The following STMN3 variants were observed in gnomAD, a reference collection of about 807,000 sequenced individuals.
STMN3 encodes stathmin 3.
STMN3 carries 24 observed loss-of-function variants against 23.2 expected under a neutral mutation model. The ratio of observed to expected loss-of-function variants is 1.03; its 90% confidence interval spans 0.75 to 1.45. The LOEUF is 1.45. Ranked by LOEUF, STMN3 falls within the 40% of genes most tolerant of loss-of-function variation. The pLI is 0.00. For synonymous variants in STMN3, 117 were observed against 103.4 expected, an observed-to-expected ratio of 1.13 and a Z score of -0.80; for missense variants, 235 against 237.6, an observed-to-expected ratio of 0.99 and a Z score of 0.07.
intron 1 of STMN3, among the ~76,000 whole-genome samples, chr20:63,649,777 G>A (rs1203905253): frequency 2.0e-5 from 3 of 150,794 alleles, no homozygotes; most frequent in African/African-American, 7.3e-5. Flanking sequence ...TGATCCGCCC[G>A]TCTCAGCCTC....
At position 63,644,250 on chromosome 20, in the gene STMN3, T is replaced by C. The variant is rs777965666; in HGVS notation, c.79A>G (p.Thr27Ala). ...TAGACGGTATTGGGGTGCGGCTGTG[T>C]GTAGAAGCAGGAGCAGATGAGCGAC... is the stretch of plus-strand genomic sequence containing the variant. The part of the protein sequence containing the change: ...VLSLICSCFY[T>A]QPHPNTVYQY... Residue 27 changes from threonine to alanine, a missense_variant, in exon 2 of 5, where the codon ACA (threonine) becomes GCA (alanine). Thr to Ala is a moderately conservative substitution (Grantham distance 58). Transcript: ENST00000370053. 6.2e-7 allele frequency: 1 copy of C among 1,613,746 alleles called. No individual in the cohort carries two copies. The highest frequency in any genetic ancestry group is 2.2e-5 in the East Asian group (1 of 44,886).
chr20:63,641,827 T>G (rs1304369857), intron 4 of STMN3, among the ~76,000 whole-genome samples: 1 of 23,762 alleles, frequency 4.2e-5, no homozygotes, highest in African/African-American at 1.9e-4. Context: ...TCTGCGCCCC[T>G]CCGAGCTCCG....
chr20:63,651,816 T>C (rs1422507440), intron 1 of STMN3, among the ~76,000 whole-genome samples: 3 of 152,066 alleles, frequency 2.0e-5, no homozygotes, highest in African/African-American at 7.2e-5. Flanking sequence ...AGAAGGAGAA[T>C]GTGAGCAGAG....
At position 63,652,716 on chromosome 20, in the gene STMN3, AGCAGGTGGCGCGGGCGTC is replaced by A; in HGVS notation, c.19+593_19+610del. The stretch of plus-strand genomic sequence containing the variant: ...AAAGGGCAGTGGCTTTTCTGGCCAG[AGCAGGTGGCGCGGGCGTC>A]GCAAAGGGTGGTCCCCGAGGCCGCA... On this transcript the variant is annotated intron_variant, in intron 1 of 4. Coordinates refer to ENST00000370053, the MANE Select transcript of STMN3 (RefSeq NM_015894.4). This position sits in a 1 kb window ranked among gnomAD's most constrained non-coding sequence, Gnocchi z 5.3. 4 of 985,956 alleles carry A rather than the reference AGCAGGTGGCGCGGGCGTC, an allele frequency of 4.1e-6. No homozygotes were observed. The South Asian group carries it at 1.4e-4, about 35-fold the overall frequency. 61.1% of individuals were successfully genotyped at this position (985,956 alleles called of 1,614,324 possible).
Position 63,653,389 on chromosome 20 carries a change from G to A in STMN3, c.-44C>T. ...GCCTGCGGAGGCTGGAGAGGCGCAA[G>A]TGGCGGCCGGAGCTGCAGACGGCTG... On this transcript the variant is annotated 5_prime_UTR_variant, in exon 1 of 5. Coordinates refer to ENST00000370053, the MANE Select transcript of STMN3 (RefSeq NM_015894.4). 2.6e-6 allele frequency: 4 copies of A among 1,534,206 alleles called. No homozygotes were observed. Among genetic ancestry groups the A allele is most frequent in the Non-Finnish European group, 3.5e-6 (4 of 1,140,664 alleles).
At chr20:63,643,037 C>T (rs932739765) in intron 3 of STMN3, among the ~76,000 whole-genome samples, 1 of 152,080 alleles carries the variant, frequency 6.6e-6, no homozygotes, top group African/African-American at 2.4e-5. Flanking sequence ...GAGCCCACAC[C>T]CACCTCTCCC....
chr20:63,646,505 C>T, intron 1 of STMN3, among the ~76,000 whole-genome samples: 1 of 151,946 alleles, frequency 6.6e-6, no homozygotes, highest in Non-Finnish European at 1.5e-5. Flanking sequence ...CAGGCACCGC[C>T]ACCACACCCA....
intron 1 of STMN3, among the ~76,000 whole-genome samples, chr20:63,644,620 C>T (rs2089795159): frequency 6.6e-6 from 1 of 152,218 alleles, no homozygotes; most frequent in Non-Finnish European, 1.5e-5. Flanking sequence ...CATCCTTCTC[C>T]TGCCTGCTGT....
intron 3 of STMN3, among the ~76,000 whole-genome samples, chr20:63,642,548 G>A (rs891123561): frequency 1.9e-4 from 29 of 152,136 alleles, no homozygotes; most frequent in African/African-American, 6.7e-4. Context: ...CCTCGCGCGC[G>A]GGTCCCGCGG....
intron 1 of STMN3, among the ~76,000 whole-genome samples, chr20:63,647,916 A>C (rs931876234): frequency 8.6e-6 from 1 of 116,402 alleles, no homozygotes; most frequent in African/African-American, 3.1e-5. Flanking sequence ...GTGTGTATAT[A>C]TTAATATATA....
Position 63,643,936 on chromosome 20 carries a change from A to C in STMN3, c.116-5T>G. The C allele has an allele frequency of 6.3e-7, 1 of 1,594,824 alleles. No homozygotes were observed. The highest frequency in any genetic ancestry group is 8.5e-7 in the Non-Finnish European group (1 of 1,175,212). ...CCAGCTGCTTCACCTCCATGTCTGCAGGGCAAGACCAGAGTAGAGCTTCAG... is the reference window on the plus strand; with the variant it reads ...CCAGCTGCTTCACCTCCATGTCTGCCGGGCAAGACCAGAGTAGAGCTTCAG... On this transcript the variant is annotated splice_region_variant and splice_polypyrimidine_tract_variant and intron_variant, in intron 2 of 4. Transcript: ENST00000370053.
rs757698388 is a variant in STMN3, at chr20:63,641,519, G to C, written c.484-122C>G. ...CCGGCCTCATCCGGGCTGGCCTTCG[G>C]CAGGACCCTGACTGAGTTGAGGGGG... On this transcript the variant is annotated intron_variant, in intron 4 of 4. Coordinates refer to ENST00000370053, the MANE Select transcript of STMN3 (RefSeq NM_015894.4). 875 of 737,412 alleles carry C rather than the reference G, an allele frequency of 1.2e-3. 1 individual carries two copies. Among genetic ancestry groups the C allele is most frequent in the Non-Finnish European group, 1.8e-3 (808 of 448,208 alleles). 45.7% of individuals were successfully genotyped at this position (737,412 alleles called of 1,614,324 possible).
rs956788708 is a variant in STMN3, at chr20:63,641,472, G to A, written c.484-75C>T. The A allele has an allele frequency of 2.9e-5, 38 of 1,307,950 alleles. No homozygotes were observed. In the African/African-American group the frequency reaches 4.0e-4, roughly 14 times the overall value. The allele number at this position is 1,307,950 out of a possible 1,614,324, so 81.0% of individuals were successfully genotyped here. A position where few individuals can be genotyped will look rare whatever the true frequency, so the allele number is the denominator to read the frequency against. ...ACTCCGGGAACCCCCAGGCGCGCAG[G>A]CCGTGGCGCCCTGGCACCCGCCCGG... On this transcript the variant is annotated intron_variant, in intron 4 of 4. Coordinates refer to ENST00000370053, the MANE Select transcript of STMN3 (RefSeq NM_015894.4).
intron 1 of STMN3, among the ~76,000 whole-genome samples, chr20:63,651,616 C>T (rs539518354): frequency 6.6e-6 from 1 of 152,368 alleles, no homozygotes; most frequent in East Asian, 1.9e-4. Flanking sequence ...GGCTGCTTGA[C>T]GTGCGGTGAG....
At position 63,652,660 on chromosome 20, in the gene STMN3, T is replaced by G; in HGVS notation, c.19+667A>C. 2.0e-6 allele frequency: 2 copies of G among 985,488 alleles called. No individual in the cohort carries two copies. Among genetic ancestry groups the G allele is most frequent in the Non-Finnish European group, 2.4e-6 (2 of 830,014 alleles). The allele number at this position is 985,488 out of a possible 1,614,324, so 61.0% of individuals were successfully genotyped here. A position where few individuals can be genotyped will look rare whatever the true frequency, so the allele number is the denominator to read the frequency against. Reference sequence around the variant, plus strand: ...TCTCCGGAGGGTTTGGGGATCGCAGTCGCCCCTCCCCCATCCAGACCCCGC... The same window carrying G: ...TCTCCGGAGGGTTTGGGGATCGCAGGCGCCCCTCCCCCATCCAGACCCCGC... On this transcript the variant is annotated intron_variant, in intron 1 of 4. Coordinates refer to ENST00000370053, the MANE Select transcript of STMN3 (RefSeq NM_015894.4). This position sits in a 1 kb window ranked among gnomAD's most constrained non-coding sequence, Gnocchi z 5.3.
intron 1 of STMN3, among the ~76,000 whole-genome samples, chr20:63,647,956 A>G (rs748107478): frequency 0.014 from 734 of 50,862 alleles, 60 homozygotes; most frequent in Middle Eastern, 0.035. Context: ...GTGTATATAT[A>G]TATGTATATA....
chr20:63,644,458 C>G (rs896822813), intron 1 of STMN3, 149 bp from the exon 2 acceptor site: 1 of 632,148 alleles, frequency 1.6e-6, no homozygotes. Context: ...ACCGCCGGCC[C>G]CTTCGTCTCT....
Position 63,652,538 on chromosome 20 carries a change from C to A in STMN3, c.19+789G>T. On this transcript the variant is annotated intron_variant, in intron 1 of 4. Transcript: ENST00000370053. The surrounding 1 kb of genome is among the most constrained non-coding windows in gnomAD (Gnocchi z 5.3). ...CGCCCGCCCCTCCGCCTGAGCTCCG[C>A]GCGGGACGGGCCGGGAGGCCGGGGT... 2 of 981,166 alleles carry A rather than the reference C, an allele frequency of 2.0e-6. No individual in the cohort carries two copies. The highest frequency in any genetic ancestry group is 1.2e-4 in the Admixed American group (2 of 16,284). The allele number at this position is 981,166 out of a possible 1,614,324, so 60.8% of individuals were successfully genotyped here.
In STMN3 at chr20:63,652,975, C is replaced by T. The variant is rs893057968; in HGVS notation, c.19+352G>A. On this transcript the variant is annotated intron_variant, in intron 1 of 4. Transcript: ENST00000370053. The surrounding 1 kb of genome is among the most constrained non-coding windows in gnomAD (Gnocchi z 5.3). ...TCGGGTCGCCGGACGCCCCAGGGAC[C>T]CCGCCCGCACATCGCGAGCGCGCCC... is the stretch of plus-strand genomic sequence containing the variant. Among the ~76,000 whole-genome samples the T allele has an allele frequency of 2.6e-5, 4 of 152,056 alleles. No individual in the cohort carries two copies. The highest frequency in any genetic ancestry group is 4.4e-5 in the Non-Finnish European group (3 of 67,974).
Sources: gnomAD v4.1 joint callset for allele counts (sites outside exome capture counted in the v4.1 genomes callset) on GRCh38, gnomAD v4.1.1 for gene constraint, Gnocchi (gnomAD v3.1) non-coding constraint, MANE v1.5 for transcripts, NCBI Gene and HGNC (gene_info 2026-07-23, HGNC 2026-07-21) for gene names.